Variants in SGCD observed in about 807,000 individuals in gnomAD.
The protein encoded by SGCD is sarcoglycan delta, also known as delta-sarcoglycan.
SGCD carries 18 observed loss-of-function variants against 36.6 expected under a neutral mutation model. That is an observed-to-expected ratio of 0.49 (90% CI 0.34 to 0.73). The LOEUF is 0.73. Ranked by LOEUF, SGCD falls within the 30% of genes least tolerant of loss-of-function variation. SGCD has a pLI of 0.01. For missense variants in SGCD, 387 were observed against 346.7 expected, an observed-to-expected ratio of 1.12 and a Z score of -0.92; for synonymous variants, 133 against 130.6, an observed-to-expected ratio of 1.02 and a Z score of -0.12.
chr5:156,712,460 A>T (rs985077550), intron 7 of SGCD, among the ~76,000 whole-genome samples: 2 of 152,248 alleles, frequency 1.3e-5, no homozygotes, highest in African/African-American at 4.8e-5. Context: ...TTCCCAAACA[A>T]GGTAATGTTT....
At chr5:156,279,238 T>C (rs948311710) in intron 3 of SGCD, among the ~76,000 whole-genome samples, 2 of 152,210 alleles carry the variant, frequency 1.3e-5, no homozygotes, top group Non-Finnish European at 2.9e-5. Context: ...AAATCTTAAG[T>C]TCTTTTTTGT....
rs188862474 is a variant in SGCD at position 155,875,646 on chromosome 5, T to A, written c.-282+5222T>A. 1.4e-3 allele frequency among the ~76,000 whole-genome samples: 208 copies of A among 145,456 alleles called. 1 individual carries two copies. The highest frequency in any genetic ancestry group is 5.1e-3 in the African/African-American group (200 of 39,362). Reference sequence around the variant, plus strand: ...TTCACATTTTCAAGATGGCTCCACTTTTTTTTTTTTTTTAGTTGTTATGGT... The same window carrying A: ...TTCACATTTTCAAGATGGCTCCACTATTTTTTTTTTTTTAGTTGTTATGGT... On this transcript the variant is annotated intron_variant, in intron 1 of 9. Coordinates refer to the SGCD transcript ENST00000517913.
chr5:156,503,057 G>A (rs974551525), intron 3 of SGCD, among the ~76,000 whole-genome samples: 3 of 152,334 alleles, frequency 2.0e-5, no homozygotes, highest in Admixed American at 1.3e-4. Flanking sequence ...GATTTGGCAT[G>A]TTTGAGGTGA....
At chr5:155,931,955 T>C (rs1347618786) in intron 1 of SGCD, among the ~76,000 whole-genome samples, 1 of 152,202 alleles carries the variant, frequency 6.6e-6, no homozygotes, top group African/African-American at 2.4e-5. Context: ...GCCTTCTCCC[T>C]GTGTGCTCAC....
chr5:156,051,098 C>T (rs1347853431), intron 1 of SGCD, among the ~76,000 whole-genome samples: 1 of 146,244 alleles, frequency 6.8e-6, no homozygotes, highest in East Asian at 1.9e-4. Flanking sequence ...CTAAGCATTT[C>T]ATTTTAAAAA....
intron 7 of SGCD, among the ~76,000 whole-genome samples, chr5:156,755,488 A>C (rs1363068072): frequency 1.3e-5 from 2 of 152,230 alleles, no homozygotes; most frequent in Non-Finnish European, 2.9e-5. Flanking sequence ...AGTGAGAGGG[A>C]GTCAAGAGCA....
chr5:156,307,397 A>T (rs1767246435), intron 3 of SGCD, among the ~76,000 whole-genome samples: 1 of 152,142 alleles, frequency 6.6e-6, no homozygotes, highest in Non-Finnish European at 1.5e-5. Flanking sequence ...CAAATGTGTA[A>T]ATCAGACAGC....
intron 3 of SGCD, among the ~76,000 whole-genome samples, chr5:156,230,586 G>C (rs1383157793): frequency 3.3e-5 from 5 of 152,120 alleles, no homozygotes; most frequent in Non-Finnish European, 4.4e-5. Flanking sequence ...GTGTCTCCTG[G>C]GTCCTGCAGG....
intron 3 of SGCD, among the ~76,000 whole-genome samples, chr5:156,395,974 T>C (rs1384489338): frequency 1.3e-5 from 2 of 152,242 alleles, no homozygotes; most frequent in Admixed American, 1.3e-4. Context: ...AACACAATGA[T>C]ACTATGAGTT....
At chr5:156,607,346 A>G (rs1000944924) in intron 6 of SGCD, among the ~76,000 whole-genome samples, 4 of 152,070 alleles carry the variant, frequency 2.6e-5, no homozygotes, top group Non-Finnish European at 4.4e-5. Flanking sequence ...GCTGGATTAT[A>G]TTTACTGGTT....
chr5:156,423,088 C>T (rs973221782), intron 3 of SGCD, among the ~76,000 whole-genome samples: 3 of 131,718 alleles, frequency 2.3e-5, no homozygotes, highest in Non-Finnish European at 3.2e-5. Flanking sequence ...CTCCATTTCA[C>T]GAGGGTCATT....
At chr5:156,380,091 T>A (rs1464539762) in intron 3 of SGCD, among the ~76,000 whole-genome samples, 1 of 152,056 alleles carries the variant, frequency 6.6e-6, no homozygotes, top group African/African-American at 2.4e-5. Flanking sequence ...TTTCCTAGAG[T>A]TCTTGGTGGT....
intron 4 of SGCD, among the ~76,000 whole-genome samples, chr5:156,518,442 TAAC>T (rs1252773607): frequency 6.6e-6 from 1 of 152,132 alleles, no homozygotes; most frequent in Non-Finnish European, 1.5e-5. Flanking sequence ...CACAGAAAAT[TAAC>T]AAAGATATTT....
rs562638909 is a variant in SGCD at position 156,222,773 on chromosome 5, C to T, written c.-44+98754C>T. Among the ~76,000 whole-genome samples, 45 of 152,052 alleles carry T rather than the reference C, an allele frequency of 3.0e-4. No individual in the cohort carries two copies. In the South Asian group the frequency reaches 9.1e-3, roughly 31 times the overall value. On this transcript the variant is annotated intron_variant, in intron 3 of 9. Coordinates refer to the SGCD transcript ENST00000517913. ...AAATAAAATATAATTCTTTTATTTACTTTAAAAGATGCAATTAAAAGGTAG... is the reference window on the plus strand; with the variant it reads ...AAATAAAATATAATTCTTTTATTTATTTTAAAAGATGCAATTAAAAGGTAG...
chr5:155,807,544 T>C, the SGCD span, among the ~76,000 whole-genome samples: 2 of 152,276 alleles, frequency 1.3e-5, no homozygotes, highest in Non-Finnish European at 2.9e-5. Flanking sequence ...TGAATGATGT[T>C]TCTTATGATA....
chr5:156,703,523 A>G (rs950698667), intron 7 of SGCD, among the ~76,000 whole-genome samples: 1 of 152,134 alleles, frequency 6.6e-6, no homozygotes, highest in Non-Finnish European at 1.5e-5. Flanking sequence ...TAAAAGATCA[A>G]TGGCTCATGA....
At chr5:156,077,439 C>T (rs1421347966) in intron 1 of SGCD, among the ~76,000 whole-genome samples, 1 of 152,088 alleles carries the variant, frequency 6.6e-6, no homozygotes, top group African/African-American at 2.4e-5. Context: ...GCCCAAATCC[C>T]AGGGAATATT....
chr5:156,361,280 T>C (rs749059114), intron 3 of SGCD, among the ~76,000 whole-genome samples: 1 of 152,184 alleles, frequency 6.6e-6, no homozygotes, highest in Admixed American at 6.5e-5. Flanking sequence ...AAAAGGATGA[T>C]TCGGAAAAAT....
At chr5:156,734,469 C>G (rs983103535) in intron 7 of SGCD, among the ~76,000 whole-genome samples, 10 of 152,070 alleles carry the variant, frequency 6.6e-5, no homozygotes, top group African/African-American at 2.4e-4. Context: ...TATCCTGGAA[C>G]ATGTTTTCTA....
Sources: gnomAD v4.1 joint callset for allele counts (sites outside exome capture counted in the v4.1 genomes callset) on GRCh38, gnomAD v4.1.1 for gene constraint, MANE v1.5 for transcripts, NCBI Gene and HGNC (gene_info 2026-07-23, HGNC 2026-07-21) for gene names.